Variants in CAST observed in about 807,000 individuals in gnomAD.
The protein encoded by CAST is MIR583 host.
In CAST, 76 loss-of-function variants were observed where a neutral mutation model predicts 119.6. The observed-to-expected ratio is 0.64, with a 90% CI of 0.53 to 0.77. The LOEUF is 0.77. CAST is among the 30% of genes least tolerant of loss of function. The pLI is 0.00. For missense variants in CAST, 953 were observed against 946.5 expected, an observed-to-expected ratio of 1.01 and a Z score of -0.09; for synonymous variants, 319 against 331.6, an observed-to-expected ratio of 0.96 and a Z score of 0.41.
chr5:96,495,081 C>T, the CAST span, among the ~76,000 whole-genome samples: 1 of 146,776 alleles, frequency 6.8e-6, no homozygotes, highest in South Asian at 2.2e-4. Flanking sequence ...TCGGAGATCG[C>T]ACCATTGCAC....
Position 96,730,662 on chromosome 5 carries a change from C to A in CAST, c.550-118C>A, listed in dbSNP as rs17400685. ...GTACAATAGAAGTGAGCAAACATTC[C>A]CTTATGGTGTCCGTGAGGGTGAACT... On this transcript the variant is annotated intron_variant, in intron 8 of 31. Coordinates refer to ENST00000675179, the MANE Select transcript of CAST (RefSeq NM_001750.7). 0.11 allele frequency: 79,265 copies of A among 736,470 alleles called. 5,050 individuals carry two copies. Among genetic ancestry groups the A allele is most frequent in the Non-Finnish European group, 0.13 (55,617 of 414,730 alleles). The allele number at this position is 736,470 out of a possible 1,614,324, so 45.6% of individuals were successfully genotyped here.
chr5:96,765,664 CCTCT>C (rs1769678318), intron 26 of CAST, among the ~76,000 whole-genome samples: 2 of 152,178 alleles, frequency 1.3e-5, no homozygotes, highest in South Asian at 4.1e-4. Flanking sequence ...GTAAATGTGA[CCTCT>C]CTAAATGGCA....
the CAST span, among the ~76,000 whole-genome samples, chr5:96,131,488 G>T: frequency 6.6e-6 from 1 of 151,870 alleles, no homozygotes; most frequent in Non-Finnish European, 1.5e-5. Flanking sequence ...CATGATTGCC[G>T]TATGTTACAT....
the CAST span, among the ~76,000 whole-genome samples, chr5:96,031,447 T>C: frequency 6.6e-6 from 1 of 152,134 alleles, no homozygotes; most frequent in Non-Finnish European, 1.5e-5. Context: ...TTGAACTTAA[T>C]TTACAAAACC....
intron 1 of CAST, among the ~76,000 whole-genome samples, chr5:96,561,313 A>G (rs2882360): frequency 0.33 from 50,402 of 151,504 alleles, 9,026 homozygotes; most frequent in Middle Eastern, 0.45. Context: ...TATGTAACAA[A>G]CCTGCACTTT....
the CAST span, among the ~76,000 whole-genome samples, chr5:96,451,495 A>T: frequency 6.6e-6 from 1 of 152,230 alleles, no homozygotes; most frequent in Non-Finnish European, 1.5e-5. Flanking sequence ...AATTAACTCA[A>T]GATGGATTAA....
At chr5:96,491,851 C>A in the CAST span, among the ~76,000 whole-genome samples, 701 of 152,354 alleles carry the variant, frequency 4.6e-3, 6 homozygotes, top group African/African-American at 0.016. Context: ...TACAATGAAT[C>A]TCTCAAACAT....
intron 1 of CAST, among the ~76,000 whole-genome samples, chr5:96,570,587 T>C (rs1334227391): frequency 6.6e-6 from 1 of 152,222 alleles, no homozygotes. Context: ...GATTCCTTTC[T>C]GTAATGAATA....
the CAST span, among the ~76,000 whole-genome samples, chr5:95,970,525 T>C: frequency 1.3e-5 from 2 of 152,246 alleles, no homozygotes; most frequent in Admixed American, 6.5e-5. Flanking sequence ...CACTGAATAT[T>C]ATCTGTCCTA....
At chr5:96,435,486 T>G in the CAST span, among the ~76,000 whole-genome samples, 1 of 152,172 alleles carries the variant, frequency 6.6e-6, no homozygotes, top group Non-Finnish European at 1.5e-5. Flanking sequence ...AGACTAGAGG[T>G]GCAAGTAGAT....
chr5:96,160,477 A>G, the CAST span, among the ~76,000 whole-genome samples: 3 of 152,272 alleles, frequency 2.0e-5, no homozygotes, highest in Non-Finnish European at 4.4e-5. Flanking sequence ...ATTCCATTGT[A>G]TGAATATACA....
At chr5:96,377,148 CTTTCA>C in the CAST span, among the ~76,000 whole-genome samples, 47 of 151,898 alleles carry the variant, frequency 3.1e-4, no homozygotes, top group African/African-American at 1.1e-3. Context: ...AACAGTCAAA[CTTTCA>C]TTTTTTTAAA....
At chr5:96,002,647 G>A in the CAST span, among the ~76,000 whole-genome samples, 1 of 152,066 alleles carries the variant, frequency 6.6e-6, no homozygotes, top group Non-Finnish European at 1.5e-5. Flanking sequence ...GGGAGAGTAA[G>A]GTTCTCTGAC....
At chr5:96,623,620 C>A (rs577551434) in intron 1 of CAST, among the ~76,000 whole-genome samples, 1 of 152,184 alleles carries the variant, frequency 6.6e-6, no homozygotes, top group African/African-American at 2.4e-5. Flanking sequence ...GTTGAAATTC[C>A]TTTCTCCTCT....
chr5:96,750,692 TC>T lies in CAST; in HGVS notation c.1524+13del. 1 of 1,582,212 alleles carries T rather than the reference TC, an allele frequency of 6.3e-7. No homozygotes were observed. Among genetic ancestry groups the T allele is most frequent in the East Asian group, 2.2e-5 (1 of 44,728 alleles). On this transcript the variant is annotated intron_variant, in intron 20 of 31. Transcript: ENST00000675179. ...TGAGCCGGCTACCTTGGTGAGTGAC[TC>T]CCTGGGCATTTGAGCAGTGGCTTGA...
chr5:96,458,498 A>T, the CAST span, among the ~76,000 whole-genome samples: 143 of 152,338 alleles, frequency 9.4e-4, no homozygotes, highest in Non-Finnish European at 1.7e-3. Context: ...CCAAGGAAAG[A>T]CACAAACAAA....
chr5:96,772,997 T>G lies in CAST; in HGVS notation c.*381T>G, dbSNP rs17086689. 6.5e-6 allele frequency: 1 copy of G among 153,986 alleles called. No homozygotes were observed. Among genetic ancestry groups the G allele is most frequent in the Non-Finnish European group, 1.5e-5 (1 of 68,012 alleles). 9.5% of individuals were successfully genotyped at this position (153,986 alleles called of 1,614,324 possible). On this transcript the variant is annotated 3_prime_UTR_variant, in exon 32 of 32. Coordinates refer to ENST00000675179, the MANE Select transcript of CAST (RefSeq NM_001750.7). ...ACAGTGCCTGTAAATCTCATTTGTA[T>G]TTTCAGTTTGCCCTTAATTTTTTTT... is the stretch of plus-strand genomic sequence containing the variant.
the CAST span, among the ~76,000 whole-genome samples, chr5:96,362,132 CT>C: frequency 6.6e-6 from 1 of 151,974 alleles, no homozygotes; most frequent in Admixed American, 6.6e-5. Flanking sequence ...TGGTTTCCAG[CT>C]TCATCCATGT....
the CAST span, among the ~76,000 whole-genome samples, chr5:96,460,466 A>G: frequency 2.0e-5 from 3 of 152,098 alleles, no homozygotes; most frequent in Non-Finnish European, 4.4e-5. Context: ...TGATAGGTGC[A>G]GCAAACCACC....
Sources: allele counts gnomAD v4.1 joint callset (sites outside exome capture counted in the v4.1 genomes callset), GRCh38; gene constraint gnomAD v4.1.1; transcripts MANE v1.5; gene names NCBI Gene and HGNC (gene_info 2026-07-23, HGNC 2026-07-21).